The following P2RY12 variants were observed in gnomAD, a reference collection of about 807,000 sequenced individuals.
P2RY12 encodes purinergic receptor P2Y12, also known as P2Y purinoceptor 12.
Under a neutral mutation model 4.5 loss-of-function variants are expected in P2RY12, and 3 were observed. That is an observed-to-expected ratio of 0.67 (90% CI 0.31 to 1.74). The LOEUF is 1.74. Ranked by LOEUF, P2RY12 falls within the 40% of genes most tolerant of loss-of-function variation. P2RY12 has a pLI of 0.09. For missense variants in P2RY12, 356 were observed against 407.8 expected, an observed-to-expected ratio of 0.87 and a Z score of 1.09; for synonymous variants, 148 against 154.1, an observed-to-expected ratio of 0.96 and a Z score of 0.29.
chr3:151,380,800 C>T (rs539898818), intron 1 of P2RY12, among the ~76,000 whole-genome samples: 6 of 152,106 alleles, frequency 3.9e-5, no homozygotes, highest in African/African-American at 1.2e-4. Flanking sequence ...ACTATCTGCC[C>T]GTCTCCTAAC....
At chr3:151,369,074 G>T (rs938512745) in intron 1 of P2RY12, among the ~76,000 whole-genome samples, 1 of 152,006 alleles carries the variant, frequency 6.6e-6, no homozygotes, top group Admixed American at 6.6e-5. Flanking sequence ...ATTTATTCTT[G>T]TACTAAGTAA....
In P2RY12 at chr3:151,337,623, G is replaced by A; in HGVS notation, c.*194C>T. 1 of 603,142 alleles carries A rather than the reference G, an allele frequency of 1.7e-6. No individual in the cohort carries two copies. The highest frequency in any genetic ancestry group is 2.9e-6 in the Non-Finnish European group (1 of 349,756). The allele number at this position is 603,142 out of a possible 1,614,324, so 37.4% of individuals were successfully genotyped here. A position where few individuals can be genotyped will look rare whatever the true frequency, so the allele number is the denominator to read the frequency against. Reference sequence around the variant, plus strand: ...TTGCTGCTAATACAGCTACAGTTTAGATTAGTTTTCTATATTTTAAGATAG... The same window carrying A: ...TTGCTGCTAATACAGCTACAGTTTAAATTAGTTTTCTATATTTTAAGATAG... On this transcript the variant is annotated 3_prime_UTR_variant, in exon 3 of 3. Coordinates refer to ENST00000302632, the MANE Select transcript of P2RY12 (RefSeq NM_022788.5).
intron 1 of P2RY12, among the ~76,000 whole-genome samples, chr3:151,373,665 G>A (rs1756461414): frequency 1.3e-5 from 2 of 151,816 alleles, no homozygotes; most frequent in Non-Finnish European, 2.9e-5. Flanking sequence ...TTATCCATAT[G>A]GGTTATAATA....
Position 151,341,847 on chromosome 3 carries a change from G to A in P2RY12, c.-179-1087C>T, listed in dbSNP as rs569297969. ...GTGGTGTTTGGTTTTTTGTTCTTGCGATAGTTTACTGAGAATGATGATTTC... is the reference window on the plus strand; with the variant it reads ...GTGGTGTTTGGTTTTTTGTTCTTGCAATAGTTTACTGAGAATGATGATTTC... On this transcript the variant is annotated intron_variant, in intron 1 of 2. Transcript: ENST00000302632. 7.9e-5 allele frequency among the ~76,000 whole-genome samples: 12 copies of A among 151,656 alleles called. No homozygotes were observed. The South Asian group carries it at 2.5e-3, about 32-fold the overall frequency.
rs1756129115 is a variant in P2RY12 at position 151,371,107 on chromosome 3, T to C, written c.-180+13585A>G. ...ACATCTAAACTAAATGAGGATCTCCTAGTATGGGGCTAGCAGGTACTGTTT... is the reference window on the plus strand; with the variant it reads ...ACATCTAAACTAAATGAGGATCTCCCAGTATGGGGCTAGCAGGTACTGTTT... On this transcript the variant is annotated intron_variant, in intron 1 of 2. Coordinates refer to ENST00000302632, the MANE Select transcript of P2RY12 (RefSeq NM_022788.5). Among the ~76,000 whole-genome samples the C allele has an allele frequency of 2.0e-5, 3 of 152,342 alleles. No individual in the cohort carries two copies. The South Asian group carries it at 6.2e-4, about 32-fold the overall frequency.
intron 1 of P2RY12, among the ~76,000 whole-genome samples, chr3:151,362,451 T>C (rs1010843390): frequency 6.6e-6 from 1 of 152,094 alleles, no homozygotes; most frequent in Non-Finnish European, 1.5e-5. Flanking sequence ...TATCTTACGT[T>C]GCTTGTGATA....
chr3:151,362,233 A>G (rs1268306598), intron 1 of P2RY12, among the ~76,000 whole-genome samples: 2 of 151,980 alleles, frequency 1.3e-5, no homozygotes, highest in African/African-American at 4.8e-5. Context: ...AACATCCACT[A>G]AAGTGATCCT....
At chr3:151,360,458 A>G in intron 1 of P2RY12, 5 of 1,608,734 alleles carry the variant, frequency 3.1e-6, no homozygotes, top group African/African-American at 1.3e-5. Context: ...ATTTCTTCGT[A>G]TATTTTTCTC....
At chr3:151,368,064 TC>T (rs1755508921) in intron 1 of P2RY12, 2 of 1,085,380 alleles carry the variant, frequency 1.8e-6, no homozygotes, top group Non-Finnish European at 2.7e-6. Context: ...AAATAATTAT[TC>T]CAGGAAATTT....
At chr3:151,369,299 C>A in intron 1 of P2RY12, 1 of 524,246 alleles carries the variant, frequency 1.9e-6, no homozygotes, top group Non-Finnish European at 3.5e-6. Context: ...TTAGTGAATC[C>A]ATGAAGCATC....
intron 1 of P2RY12, among the ~76,000 whole-genome samples, chr3:151,351,709 G>T (rs530518891): frequency 6.6e-6 from 1 of 152,156 alleles, no homozygotes. Flanking sequence ...CCTTCAGGAG[G>T]TTCGTAATAC....
At chr3:151,377,174 C>G in intron 1 of P2RY12, 2 of 1,605,310 alleles carry the variant, frequency 1.2e-6, no homozygotes, top group Non-Finnish European at 1.7e-6. Context: ...AAAGACATTC[C>G]TAAGGTATTT....
At position 151,338,356 on chromosome 3, in the gene P2RY12, T is replaced by C; in HGVS notation, c.490A>G (p.Asn164Asp). ...LLSLPNMILT[N>D]RQPRDKNVKK... ...ACATTCTTGTCTCTCGGCTGCCTGTTGGTCAGAATCATGTTAGGCAAAGAG... is the reference window on the plus strand; with the variant it reads ...ACATTCTTGTCTCTCGGCTGCCTGTCGGTCAGAATCATGTTAGGCAAAGAG... Residue 164 changes from asparagine to aspartate, a missense_variant, in exon 3 of 3, where the codon AAC becomes GAC. Coordinates refer to ENST00000302632, the MANE Select transcript of P2RY12 (RefSeq NM_022788.5). The C allele has an allele frequency of 6.2e-7, 1 of 1,614,176 alleles. No individual in the cohort carries two copies. The highest frequency in any genetic ancestry group is 1.1e-5 in the South Asian group (1 of 91,088).
chr3:151,366,623 GT>G (rs2107930513), intron 1 of P2RY12, among the ~76,000 whole-genome samples: 1 of 152,192 alleles, frequency 6.6e-6, no homozygotes, highest in South Asian at 2.1e-4. Context: ...TATTGGAGTA[GT>G]CTTTGTCGTA....
intron 1 of P2RY12, chr3:151,356,165 C>A: frequency 1.1e-6 from 1 of 937,780 alleles, no homozygotes; most frequent in Non-Finnish European, 1.5e-6. Context: ...TTTGGGAGGC[C>A]GAGGTAGGAG....
intron 1 of P2RY12, chr3:151,350,305 G>A (rs1031215816): frequency 1.3e-4 from 156 of 1,160,532 alleles, no homozygotes; most frequent in Middle Eastern, 8.8e-4. Context: ...TCAACAGAGC[G>A]TTTCCCCTCC....
chr3:151,372,644 G>T (rs754696271), intron 1 of P2RY12: 22 of 1,613,824 alleles, frequency 1.4e-5, no homozygotes, highest in Non-Finnish European at 4.2e-6. Flanking sequence ...GCGATGTGAT[G>T]GGAATGCTGA....
chr3:151,338,637 T>A lies in P2RY12; in HGVS notation c.209A>T (p.Asp70Val). 1 of 1,613,924 alleles carries A rather than the reference T, an allele frequency of 6.2e-7. No homozygotes were observed. Among genetic ancestry groups the A allele is most frequent in the Non-Finnish European group, 8.5e-7 (1 of 1,179,922 alleles). Reference sequence around the variant, plus strand: ...TGGAAAAGTCAGAATCATGAGAAGATCAGAAATGACTGTGTTCTTAAGAAA... The same window carrying A: ...TGGAAAAGTCAGAATCATGAGAAGAACAGAAATGACTGTGTTCTTAAGAAA... ...IIFLKNTVIS[D>V]LLMILTFPFK... Residue 70 changes from aspartate (D) to valine (V), a missense_variant, in exon 3 of 3, where the codon GAT becomes GTT. Physicochemically the swap from Asp to Val is radical, Grantham distance 152. Coordinates refer to ENST00000302632, the MANE Select transcript of P2RY12 (RefSeq NM_022788.5).
intron 1 of P2RY12, among the ~76,000 whole-genome samples, chr3:151,343,584 G>A (rs1392436742): frequency 2.0e-5 from 3 of 152,156 alleles, no homozygotes; most frequent in African/African-American, 7.2e-5. Flanking sequence ...AATAGAAGCA[G>A]AGCAAGTTAT....
Sources: gnomAD v4.1 joint callset for allele counts (sites outside exome capture counted in the v4.1 genomes callset) on GRCh38, gnomAD v4.1.1 for gene constraint, MANE v1.5 for transcripts, NCBI Gene and HGNC (gene_info 2026-07-23, HGNC 2026-07-21) for gene names.